Variants in TSGA10 observed in about 807,000 individuals in gnomAD.
TSGA10 encodes the protein testis specific 10, also known as testis-specific gene 10 protein.
Under a neutral mutation model 96.6 loss-of-function variants are expected in TSGA10, and 43 were observed. The ratio of observed to expected loss-of-function variants is 0.44; its 90% CI spans 0.35 to 0.57. The LOEUF is 0.57. Among genes scored for constraint, TSGA10 ranks in the 20% least tolerant of loss-of-function variants. TSGA10 has a pLI of 0.01. For missense variants in TSGA10, 703 were observed against 834.4 expected, an observed-to-expected ratio of 0.84 and a Z score of 1.94; for synonymous variants, 229 against 269.9, an observed-to-expected ratio of 0.85 and a Z score of 1.48.
chr2:99,014,992 T>C (rs893003993), intron 20 of TSGA10, among the ~76,000 whole-genome samples: 4 of 151,996 alleles, frequency 2.6e-5, no homozygotes, highest in African/African-American at 7.3e-5. Flanking sequence ...ATTAAAACAG[T>C]AATAAAAAAA....
At chr2:99,045,366 T>C (rs1196037990) in intron 16 of TSGA10, among the ~76,000 whole-genome samples, 1 of 152,178 alleles carries the variant, frequency 6.6e-6, no homozygotes, top group Non-Finnish European at 1.5e-5. Context: ...GGGAAGCCCA[T>C]CAGACTAACA....
chr2:99,118,505 A>G (rs1330731702), intron 3 of TSGA10, 46 bp downstream of exon 3: 1 of 773,864 alleles, frequency 1.3e-6, no homozygotes, highest in Non-Finnish European at 1.6e-6. Context: ...ATATATGTGT[A>G]TTATTAACTT....
chr2:99,146,572 CT>C (rs2093634266), intron 1 of TSGA10, among the ~76,000 whole-genome samples: 1 of 152,082 alleles, frequency 6.6e-6, no homozygotes, highest in East Asian at 1.9e-4. Flanking sequence ...CAGATATTTT[CT>C]TCTATTGCAT....
At chr2:99,118,375 T>G (rs1229133311) in intron 3 of TSGA10, among the ~76,000 whole-genome samples, 176 bp downstream of exon 3, 1 of 148,120 alleles carries the variant, frequency 6.8e-6, no homozygotes, top group African/African-American at 2.5e-5. Context: ...TGCTTGAACC[T>G]GGGAGGCAGA....
At chr2:99,102,444 T>G (rs1450408985) in intron 10 of TSGA10, 49 of 1,613,868 alleles carry the variant, frequency 3.0e-5, no homozygotes, top group Non-Finnish European at 4.1e-5. Context: ...GCAACAGCTT[T>G]CAGGTGGACA....
At chr2:99,082,100 C>T (rs1413528846) in intron 10 of TSGA10, among the ~76,000 whole-genome samples, 1 of 152,156 alleles carries the variant, frequency 6.6e-6, no homozygotes, top group African/African-American at 2.4e-5. Flanking sequence ...GTAAGCAGAC[C>T]CTCAGCATTT....
In TSGA10 at chr2:99,081,294, C is replaced by T. The variant is rs534184633; in HGVS notation, c.715G>A (p.Asp239Asn). 2.8e-5 allele frequency: 43 copies of T among 1,558,676 alleles called. No homozygotes were observed. In the Admixed American group the frequency reaches 4.0e-4, roughly 15 times the overall value. ...QLTQEKIMCL[D>N]EKIDNFTRQN... Reference sequence around the variant, plus strand: ...GAAAAAAACTCACCAATTTTTTCATCCAAGCACATAATTTTCTCCTGAGTA... The same window carrying T: ...GAAAAAAACTCACCAATTTTTTCATTCAAGCACATAATTTTCTCCTGAGTA... The change falls in exon 11 of 21, where the codon GAT becomes AAT. Residue 239 changes from aspartate (D) to asparagine (N), a missense_variant. Asp to Asn is a conservative substitution (Grantham distance 23). Coordinates refer to ENST00000393483, the MANE Select transcript of TSGA10 (RefSeq NM_025244.4).
chr2:99,029,584 G>C (rs2080954747), intron 17 of TSGA10, among the ~76,000 whole-genome samples: 2 of 152,056 alleles, frequency 1.3e-5, no homozygotes, highest in Admixed American at 1.3e-4. Flanking sequence ...ATGGAAGGCT[G>C]GTTCAATATT....
At chr2:99,064,058 A>G (rs1490183697) in intron 16 of TSGA10, among the ~76,000 whole-genome samples, 1 of 152,212 alleles carries the variant, frequency 6.6e-6, no homozygotes, top group Non-Finnish European at 1.5e-5. Context: ...TTATGGCAGA[A>G]TGACACTTTA....
At chr2:99,150,208 G>A (rs986602894) in intron 1 of TSGA10, among the ~76,000 whole-genome samples, 3 of 152,116 alleles carry the variant, frequency 2.0e-5, no homozygotes, top group South Asian at 2.1e-4. Flanking sequence ...AAGAGGTTTC[G>A]CTAGCAAGAA....
Position 99,127,173 on chromosome 2 carries a change from T to A in TSGA10, c.-617A>T. On this transcript the variant is annotated 5_prime_UTR_variant, in exon 2 of 21. Transcript: ENST00000393483. ...AGACCAAAATCATATTCTTTGGTGG[T>A]AACCTAGTACAAAGAATGGGAAATA... 1 of 1,284,562 alleles carries A rather than the reference T, an allele frequency of 7.8e-7. No homozygotes were observed. The highest frequency in any genetic ancestry group is 1.3e-5 in the South Asian group (1 of 79,626). 79.6% of individuals were successfully genotyped at this position (1,284,562 alleles called of 1,614,324 possible).
intron 10 of TSGA10, among the ~76,000 whole-genome samples, chr2:99,091,256 G>T (rs913012145): frequency 6.6e-6 from 1 of 152,066 alleles, no homozygotes; most frequent in African/African-American, 2.4e-5. Context: ...GCACTACAAA[G>T]AACTGCAAAA....
At chr2:99,005,319 G>A (rs1462432368) in intron 20 of TSGA10, among the ~76,000 whole-genome samples, 3 of 152,234 alleles carry the variant, frequency 2.0e-5, no homozygotes, top group African/African-American at 7.2e-5. Flanking sequence ...AAGAAACAAA[G>A]GGTATTCAAA....
chr2:99,141,210 T>C, intron 1 of TSGA10: 1 of 1,123,072 alleles, frequency 8.9e-7, no homozygotes, highest in East Asian at 8.4e-5. Context: ...TCCGCCCCTT[T>C]CTCCTCCCTT....
intron 12 of TSGA10, among the ~76,000 whole-genome samples, chr2:99,077,127 C>CTTTTTTTTTTTTTTTTT (rs35876721): frequency 1.4e-5 from 1 of 70,432 alleles, no homozygotes; most frequent in Non-Finnish European, 2.8e-5. Flanking sequence ...GACCATTCAC[C>CTTTTTTTTTTTTTTTTT]TTTTTTTTTT....
rs185321531 is a variant in TSGA10, at chr2:99,052,404, G to C, written c.1404+12535C>G. ...TAGAAATATACAACCTACAAAGATT[G>C]AATCATGAAAAAAAATTTTTTTAAA... On this transcript the variant is annotated intron_variant, in intron 16 of 20. Transcript: ENST00000393483. Among the ~76,000 whole-genome samples the C allele has an allele frequency of 8.6e-5, 13 of 151,252 alleles. No homozygotes were observed. The East Asian group carries it at 2.6e-3, about 30-fold the overall frequency.
intron 14 of TSGA10, among the ~76,000 whole-genome samples, chr2:99,069,288 A>G (rs530134636): frequency 1.3e-5 from 2 of 152,284 alleles, no homozygotes; most frequent in Non-Finnish European, 2.9e-5. Flanking sequence ...TCAAATTAAT[A>G]AAGATTTAAA....
chr2:99,050,939 T>C (rs2083334586), intron 16 of TSGA10, among the ~76,000 whole-genome samples: 1 of 152,150 alleles, frequency 6.6e-6, no homozygotes, highest in Non-Finnish European at 1.5e-5. Flanking sequence ...ACACAAATAC[T>C]ATTGTATTAC....
At chr2:99,002,829 AG>A (rs2078057883) in intron 20 of TSGA10, among the ~76,000 whole-genome samples, 1 of 151,924 alleles carries the variant, frequency 6.6e-6, no homozygotes, top group Non-Finnish European at 1.5e-5. Flanking sequence ...AACAAAAAGC[AG>A]GGGTTACAAT....
Sources: gnomAD v4.1 joint callset for allele counts (sites outside exome capture counted in the v4.1 genomes callset) on GRCh38, gnomAD v4.1.1 for gene constraint, MANE v1.5 for transcripts, NCBI Gene and HGNC (gene_info 2026-07-23, HGNC 2026-07-21) for gene names.